The following RBFOX1 variants were observed in gnomAD, a reference collection of about 807,000 sequenced individuals.
RBFOX1 encodes RNA binding protein fox-1 homolog 1.
Under a neutral mutation model 57.7 loss-of-function variants are expected in RBFOX1, and 8 were observed. The ratio of observed to expected loss-of-function variants is 0.14; its 90% CI spans 0.08 to 0.25. RBFOX1 has a LOEUF of 0.25. RBFOX1 is among the 10% of genes least tolerant of loss of function. The pLI, the probability that RBFOX1 is intolerant of heterozygous loss-of-function variation, is 1.00. For synonymous variants in RBFOX1, 326 were observed against 222.4 expected (o/e 1.47, Z -4.15); for missense variants, 611 against 548.5 (o/e 1.11, Z -1.14).
intron 2 of RBFOX1, among the ~76,000 whole-genome samples, chr16:6,403,734 G>A (rs1341120306): frequency 1.3e-5 from 2 of 152,148 alleles, no homozygotes; most frequent in African/African-American, 4.8e-5. Flanking sequence ...CCGAAGGACT[G>A]TGGAGGCATC....
At chr16:6,795,108 T>G (rs2083706906) in intron 3 of RBFOX1, among the ~76,000 whole-genome samples, 1 of 152,180 alleles carries the variant, frequency 6.6e-6, no homozygotes, top group Non-Finnish European at 1.5e-5. Flanking sequence ...CTGGGTATAT[T>G]TTATCTACTT....
At chr16:6,820,373 G>T (rs954158747) in intron 3 of RBFOX1, among the ~76,000 whole-genome samples, 1 of 152,148 alleles carries the variant, frequency 6.6e-6, no homozygotes, top group Non-Finnish European at 1.5e-5. Context: ...TCAGGTAACT[G>T]TGATAGGCCC....
At chr16:7,435,286 A>G (rs1428846710) in intron 4 of RBFOX1, among the ~76,000 whole-genome samples, 1 of 151,676 alleles carries the variant, frequency 6.6e-6, no homozygotes, top group Non-Finnish European at 1.5e-5. Flanking sequence ...GTGTCCCTCC[A>G]CTGAGGAGTT....
At chr16:5,427,800 T>G (rs1258308735) in intron 1 of RBFOX1, among the ~76,000 whole-genome samples, 2 of 152,162 alleles carry the variant, frequency 1.3e-5, no homozygotes, top group East Asian at 3.9e-4. Flanking sequence ...AGAGTCAACC[T>G]GCTGGACTCA....
Position 7,399,844 on chromosome 16 carries a change from A to G in RBFOX1, c.28-118303A>G, listed in dbSNP as rs953398365. Among the ~76,000 whole-genome samples, 14 of 152,222 alleles carry G rather than the reference A, an allele frequency of 9.2e-5. 1 individual carries two copies. The highest frequency in any genetic ancestry group is 3.4e-4 in the African/African-American group (14 of 41,468). ...ATACCTGTTGTGGGGACAAAATTCA[A>G]TCTACTGCCATTTTATTGTGAACTA... is the stretch of plus-strand genomic sequence containing the variant. On this transcript the variant is annotated intron_variant, in intron 4 of 15. Transcript: ENST00000550418.
rs868307333 is a variant in RBFOX1, at chr16:6,818,641, C to G, written c.-16+163991C>G. The stretch of plus-strand genomic sequence containing the variant: ...ACTCAGCACCTGTGATGAATAGCTG[C>G]TATTATTCATTTTTCCCCCCTTCTT... On this transcript the variant is annotated intron_variant, in intron 3 of 15. Transcript: ENST00000550418. Among the ~76,000 whole-genome samples the G allele has an allele frequency of 3.9e-4, 59 of 152,118 alleles. 2 individuals are homozygous for G. Among genetic ancestry groups the G allele is most frequent in the Middle Eastern group, 3.2e-3 (1 of 316 alleles).
At chr16:5,333,696 A>T (rs118056989) in intron 1 of RBFOX1, among the ~76,000 whole-genome samples, 4,178 of 152,318 alleles carry the variant, frequency 0.027, 83 homozygotes, top group Non-Finnish European at 0.037. Context: ...CACAGGGTGC[A>T]CTTATACAAA....
chr16:5,869,471 G>A (rs1287597704), intron 4 of RBFOX1, among the ~76,000 whole-genome samples: 1 of 152,082 alleles, frequency 6.6e-6, no homozygotes, highest in South Asian at 2.1e-4. Flanking sequence ...GCACAATCTC[G>A]GCTCACTGCA....
intron 14 of RBFOX1, among the ~76,000 whole-genome samples, chr16:7,707,826 C>A (rs995946065): frequency 6.6e-6 from 1 of 152,076 alleles, no homozygotes; most frequent in African/African-American, 2.4e-5. Context: ...TTTTTTTTCC[C>A]CTTGCTCTGA....
intron 14 of RBFOX1, among the ~76,000 whole-genome samples, chr16:7,704,760 G>C (rs768128591): frequency 6.6e-6 from 1 of 152,188 alleles, no homozygotes; most frequent in Non-Finnish European, 1.5e-5. Context: ...TTAAAAATAA[G>C]AGCAGTCAGG....
chr16:7,422,266 T>C (rs1167956176), intron 4 of RBFOX1, among the ~76,000 whole-genome samples: 2 of 152,160 alleles, frequency 1.3e-5, no homozygotes, highest in Non-Finnish European at 2.9e-5. Context: ...CCTATTGTTT[T>C]AGATTTCCTT....
intron 3 of RBFOX1, among the ~76,000 whole-genome samples, chr16:6,777,108 G>C (rs1022664805): frequency 1.3e-5 from 2 of 152,102 alleles, no homozygotes; most frequent in African/African-American, 4.8e-5. Flanking sequence ...AGTAAAATAC[G>C]AGTCTTGGGA....
intron 3 of RBFOX1, among the ~76,000 whole-genome samples, chr16:5,722,806 C>G (rs2051985559): frequency 6.6e-6 from 1 of 152,196 alleles, no homozygotes; most frequent in Non-Finnish European, 1.5e-5. Flanking sequence ...CTGTTAAATG[C>G]CACTGTTTCT....
At chr16:6,986,184 T>A (rs114022137) in intron 3 of RBFOX1, among the ~76,000 whole-genome samples, 17 of 144,222 alleles carry the variant, frequency 1.2e-4, no homozygotes, top group Admixed American at 2.8e-4. Context: ...CAATTTCTAT[T>A]TTTATTTATT....
At chr16:6,261,429 C>A (rs993476775) in intron 1 of RBFOX1, among the ~76,000 whole-genome samples, 7 of 152,210 alleles carry the variant, frequency 4.6e-5, no homozygotes, top group Non-Finnish European at 1.0e-4. Context: ...CAGCCTCTCC[C>A]AGATGTCAGA....
intron 3 of RBFOX1, among the ~76,000 whole-genome samples, chr16:7,025,921 C>G (rs1253029457): frequency 1.3e-5 from 2 of 152,024 alleles, no homozygotes; most frequent in Non-Finnish European, 2.9e-5. Flanking sequence ...CTAGACCCCT[C>G]TCGGGAGCTC....
chr16:6,798,582 C>G (rs1004856500), intron 3 of RBFOX1, among the ~76,000 whole-genome samples: 16 of 152,314 alleles, frequency 1.1e-4, no homozygotes, highest in Middle Eastern at 3.4e-3. Context: ...TAACAGCTGT[C>G]TGTATTCAAA....
intron 1 of RBFOX1, among the ~76,000 whole-genome samples, chr16:6,081,144 C>T (rs966186219): frequency 2.0e-5 from 3 of 152,152 alleles, no homozygotes; most frequent in East Asian, 3.9e-4. Flanking sequence ...TCTCATAGGG[C>T]GTCTTTCAGA....
chr16:6,132,763 C>T (rs772587570), intron 1 of RBFOX1, among the ~76,000 whole-genome samples: 4 of 151,918 alleles, frequency 2.6e-5, no homozygotes, highest in South Asian at 2.1e-4. Context: ...CTGAGGCAGG[C>T]GGATCAGTAG....
Sources: gnomAD v4.1 joint callset for allele counts (sites outside exome capture counted in the v4.1 genomes callset) on GRCh38, gnomAD v4.1.1 for gene constraint, MANE v1.5 for transcripts, NCBI Gene and HGNC (gene_info 2026-07-23, HGNC 2026-07-21) for gene names.